PTPN3: variants seen among roughly 807,000 people sequenced by gnomAD.
The protein encoded by PTPN3 is protein tyrosine phosphatase non-receptor type 3.
A neutral mutation model predicts 132.7 loss-of-function variants in PTPN3; 96 were observed. The ratio of observed to expected loss-of-function variants is 0.72; its 90% CI spans 0.61 to 0.86. The LOEUF (loss-of-function observed/expected upper bound fraction) is 0.86, where lower values mean the gene tolerates loss of function less well. Ranked by LOEUF, PTPN3 falls within the 40% of genes least tolerant of loss-of-function variation. PTPN3 has a pLI of 0.00. For missense variants in PTPN3, 1,125 were observed against 1,159.6 expected (o/e 0.97, Z 0.43); for synonymous variants, 398 against 429.0 (o/e 0.93, Z 0.89).
chr9:109,511,737 A>G, the PTPN3 span, among the ~76,000 whole-genome samples: 1 of 152,160 alleles, frequency 6.6e-6, no homozygotes, highest in Non-Finnish European at 1.5e-5. Context: ...TTCAGCCACT[A>G]AGTTTTAGCA....
At chr9:109,451,534 A>G in intron 5 of PTPN3, 3 of 501,540 alleles carry the variant, frequency 6.0e-6, no homozygotes, top group Non-Finnish European at 7.7e-6. Flanking sequence ...CTGCACATCT[A>G]GTTCCCCTTT....
the PTPN3 span, among the ~76,000 whole-genome samples, chr9:109,504,277 C>T: frequency 6.6e-6 from 1 of 152,174 alleles, no homozygotes; most frequent in Non-Finnish European, 1.5e-5. Context: ...GTATCAGGCA[C>T]CAGACCCGTA....
At chr9:109,518,067 C>T in the PTPN3 span, among the ~76,000 whole-genome samples, 2 of 152,190 alleles carry the variant, frequency 1.3e-5, no homozygotes, top group African/African-American at 4.8e-5. Context: ...CCTGCAGTGG[C>T]TGGTCTCTGG....
the PTPN3 span, chr9:109,533,547 C>T: frequency 1.1e-5 from 17 of 1,600,532 alleles, 1 homozygote; most frequent in Non-Finnish European, 1.5e-5. Context: ...TCTTTATCCT[C>T]TTCATTGCCG....
the PTPN3 span, among the ~76,000 whole-genome samples, chr9:109,516,434 G>A: frequency 6.6e-6 from 1 of 152,218 alleles, no homozygotes; most frequent in Non-Finnish European, 1.5e-5. Flanking sequence ...TTGACAGGCA[G>A]GGAGGAGTTG....
chr9:109,422,870 G>A lies in PTPN3; in HGVS notation c.1002-18C>T, dbSNP rs761744260. The A allele has an allele frequency of 1.2e-6, 2 of 1,610,446 alleles. No homozygotes were observed. Among genetic ancestry groups the A allele is most frequent in the East Asian group, 2.2e-5 (1 of 44,848 alleles). On this transcript the variant is annotated intron_variant, in intron 12 of 25. Coordinates refer to ENST00000374541, the MANE Select transcript of PTPN3 (RefSeq NM_002829.4). ...TTACCGACCTGAAAAACCAGATGCAGGTTCACTTTCTACACTGACGTTCAA... is the reference window on the plus strand; with the variant it reads ...TTACCGACCTGAAAAACCAGATGCAAGTTCACTTTCTACACTGACGTTCAA...
At chr9:109,515,413 C>T in the PTPN3 span, among the ~76,000 whole-genome samples, 8 of 152,114 alleles carry the variant, frequency 5.3e-5, no homozygotes, top group South Asian at 6.2e-4. Context: ...TACTGCTGAG[C>T]GCAGGGGGGG....
At chr9:109,476,165 G>T (rs566122083) in intron 1 of PTPN3, among the ~76,000 whole-genome samples, 1 of 152,274 alleles carries the variant, frequency 6.6e-6, no homozygotes, top group African/African-American at 2.4e-5. Context: ...CTGGTTGCCA[G>T]TGTGCCCCTA....
At chr9:109,490,257 A>G (rs1003418346) in intron 1 of PTPN3, among the ~76,000 whole-genome samples, 4 of 152,202 alleles carry the variant, frequency 2.6e-5, no homozygotes, top group Non-Finnish European at 5.9e-5. Context: ...GCTGGAAGAA[A>G]GCAGAAAACC....
chr9:109,516,652 G>A, the PTPN3 span, among the ~76,000 whole-genome samples: 28 of 152,286 alleles, frequency 1.8e-4, 1 homozygote, highest in South Asian at 5.8e-3. Flanking sequence ...GGGGAGCATT[G>A]AAGATTGTAA....
intron 14 of PTPN3, among the ~76,000 whole-genome samples, chr9:109,417,176 T>C (rs893946336): frequency 2.0e-5 from 3 of 152,222 alleles, no homozygotes; most frequent in African/African-American, 7.2e-5. Context: ...CAAAGCAAAC[T>C]GCCAAGGATT....
the PTPN3 span, among the ~76,000 whole-genome samples, chr9:109,506,483 CTTT>C: frequency 8.7e-6 from 1 of 114,672 alleles, no homozygotes; most frequent in Non-Finnish European, 2.1e-5. Context: ...TTCCTTCCTT[CTTT>C]CCTACCTACC....
At chr9:109,415,748 G>C (rs1284868882) in intron 14 of PTPN3, among the ~76,000 whole-genome samples, 2 of 152,146 alleles carry the variant, frequency 1.3e-5, no homozygotes, top group Admixed American at 6.5e-5. Context: ...GACAGTGAAA[G>C]AAAAGGAGGA....
chr9:109,446,453 C>A (rs1844867138), intron 6 of PTPN3, among the ~76,000 whole-genome samples: 2 of 152,202 alleles, frequency 1.3e-5, no homozygotes, highest in African/African-American at 4.8e-5. Flanking sequence ...TGTGTTCCTG[C>A]TGGGACTTGC....
At chr9:109,417,392 C>T (rs1842593972) in intron 14 of PTPN3, among the ~76,000 whole-genome samples, 1 of 152,142 alleles carries the variant, frequency 6.6e-6, no homozygotes, top group African/African-American at 2.4e-5. Context: ...TAAAAGGAAC[C>T]CTCCTCACTG....
At chr9:109,431,260 T>C (rs1465806602) in intron 10 of PTPN3, among the ~76,000 whole-genome samples, 1 of 152,230 alleles carries the variant, frequency 6.6e-6, no homozygotes, top group Admixed American at 6.5e-5. Context: ...CTCCCACTTC[T>C]CTCTCCTGCA....
chr9:109,470,872 T>C (rs1217110771), intron 1 of PTPN3, among the ~76,000 whole-genome samples: 2 of 152,144 alleles, frequency 1.3e-5, no homozygotes, highest in Admixed American at 1.3e-4. Flanking sequence ...AAGAATCATC[T>C]GGGGACTTGT....
Position 109,454,531 on chromosome 9 carries a change from T to G in PTPN3, c.333A>C (p.Ile111=). ...CTLHFRVRFF[I]PDPNTLQQEQ... is the part of the protein sequence containing the mutation. Reference sequence around the variant, plus strand: ...CTTGCTGCAGTGTGTTGGGATCAGGTATAAAAAATCTTACTCGAAAATGCA... The same window carrying G: ...CTTGCTGCAGTGTGTTGGGATCAGGGATAAAAAATCTTACTCGAAAATGCA... Residue 111 remains isoleucine, a synonymous_variant, in exon 5 of 26, where the codon ATA becomes ATC. Coordinates refer to ENST00000374541, the MANE Select transcript of PTPN3 (RefSeq NM_002829.4). 6.2e-7 allele frequency: 1 copy of G among 1,613,558 alleles called. No homozygotes were observed. Among genetic ancestry groups the G allele is most frequent in the Non-Finnish European group, 8.5e-7 (1 of 1,179,936 alleles).
intron 1 of PTPN3, among the ~76,000 whole-genome samples, chr9:109,485,435 G>C (rs1847163526): frequency 6.6e-6 from 1 of 152,334 alleles, no homozygotes; most frequent in East Asian, 1.9e-4. Flanking sequence ...GTGAACCTGG[G>C]AGGCGGAGCT....
Sources: gnomAD v4.1 joint callset for allele counts (sites outside exome capture counted in the v4.1 genomes callset) on GRCh38, gnomAD v4.1.1 for gene constraint, MANE v1.5 for transcripts, NCBI Gene and HGNC (gene_info 2026-07-23, HGNC 2026-07-21) for gene names.